PAX9: variants seen among roughly 807,000 people sequenced by gnomAD.
PAX9 encodes the protein paired box protein Pax-9.
In PAX9, 6 loss-of-function variants were observed where a neutral mutation model predicts 29.1. The ratio of observed to expected loss-of-function variants is 0.21; its 90% CI spans 0.11 to 0.41. PAX9 has a LOEUF of 0.41. Among genes scored for constraint, PAX9 ranks in the 10% least tolerant of loss-of-function variants. PAX9 has a pLI of 1.00. For synonymous variants in PAX9, 217 were observed against 211.7 expected (o/e 1.03, Z -0.22); for missense variants, 443 against 479.1 (o/e 0.92, Z 0.70).
intron 2 of PAX9, among the ~76,000 whole-genome samples, chr14:36,665,167 GAAAAAAA>G (rs67344124): frequency 6.3e-4 from 55 of 87,794 alleles, no homozygotes; most frequent in African/African-American, 2.2e-3. Context: ...GAGACATAGT[GAAAAAAA>G]AAAAAAAAAA....
At chr14:36,665,062 T>G (rs1363451017) in intron 2 of PAX9, among the ~76,000 whole-genome samples, 1 of 151,474 alleles carries the variant, frequency 6.6e-6, no homozygotes, top group Non-Finnish European at 1.5e-5. Context: ...CTGCCTTTTG[T>G]CTGGGAAGGC....
intron 2 of PAX9, among the ~76,000 whole-genome samples, chr14:36,663,963 C>A (rs1256792042): frequency 6.6e-6 from 1 of 152,188 alleles, no homozygotes; most frequent in African/African-American, 2.4e-5. Flanking sequence ...TCACTACGGC[C>A]GGGAGAAGTC....
intron 3 of PAX9, among the ~76,000 whole-genome samples, chr14:36,670,546 T>C (rs1317291192): frequency 1.3e-5 from 2 of 152,048 alleles, no homozygotes; most frequent in Non-Finnish European, 2.9e-5. Context: ...TTGCACTAAA[T>C]TTGTCTTCAT....
At chr14:36,661,709 G>A, upstream of PAX9, 1 of 349,528 alleles carries the variant, frequency 2.9e-6, no homozygotes, top group East Asian at 5.5e-5. Flanking sequence ...ACCCAGGTGG[G>A]GAGCTAGCCT....
intron 1 of PAX9, chr14:36,662,442 C>T (rs1881311804): frequency 2.4e-6 from 1 of 415,674 alleles, no homozygotes; most frequent in South Asian, 6.9e-5. Context: ...AGAAAACAAA[C>T]AACAACAAAT....
Position 36,677,621 on chromosome 14 carries a change from TA to T in PAX9, c.*1172del, listed in dbSNP as rs1881958383. The T allele has an allele frequency of 6.6e-6, 1 of 152,244 alleles. No individual in the cohort carries two copies. The highest frequency in any genetic ancestry group is 1.5e-5 in the Non-Finnish European group (1 of 68,048). 9.4% of individuals were successfully genotyped at this position (152,244 alleles called of 1,614,324 possible). On this transcript the variant is annotated 3_prime_UTR_variant, in exon 4 of 4. Transcript: ENST00000361487. ...CTCAGCCCCAAATAATGTTGTAATTTAAAGAAAATGGAAAATTCTGCTCTAA... is the reference window on the plus strand; with the variant it reads ...CTCAGCCCCAAATAATGTTGTAATTTAAGAAAATGGAAAATTCTGCTCTAA...
intron 2 of PAX9, 138 bp from the exon 3 acceptor site, chr14:36,666,324 C>A (rs1365227288): frequency 2.8e-5 from 32 of 1,124,534 alleles, no homozygotes; most frequent in Non-Finnish European, 3.9e-5. Flanking sequence ...CTGGGCCCAG[C>A]GCCCTCGGGA....
At chr14:36,672,511 CT>C (rs2139118891) in intron 3 of PAX9, among the ~76,000 whole-genome samples, 1 of 152,184 alleles carries the variant, frequency 6.6e-6, no homozygotes, top group Non-Finnish European at 1.5e-5. Flanking sequence ...AGATTTATAT[CT>C]TTTACTAATG....
At chr14:36,668,681 C>T (rs531697644) in intron 3 of PAX9, among the ~76,000 whole-genome samples, 6 of 152,134 alleles carry the variant, frequency 3.9e-5, no homozygotes, top group Admixed American at 6.5e-5. Context: ...GCCACCGTGC[C>T]GGCCAGTAAT....
chr14:36,661,866 G>T lies in PAX9; in HGVS notation c.-224G>T. 2 of 632,646 alleles carry T rather than the reference G, an allele frequency of 3.2e-6. No individual in the cohort carries two copies. The highest frequency in any genetic ancestry group is 5.6e-5 in the East Asian group (2 of 36,012). 39.2% of individuals were successfully genotyped at this position (632,646 alleles called of 1,614,324 possible). A position where few individuals can be genotyped will look rare whatever the true frequency, so the allele number is the denominator to read the frequency against. On this transcript the variant is annotated 5_prime_UTR_variant, in exon 1 of 4. Transcript: ENST00000361487. The stretch of plus-strand genomic sequence containing the variant: ...GAGCCGCCCTGCCCTGCTCAGCCCA[G>T]CCCACGTTGCTGCTTAGATTGAAAT...
At chr14:36,658,033 G>C (rs890584767), upstream of PAX9, 1 of 152,110 alleles carries the variant, frequency 6.6e-6, no homozygotes, top group African/African-American at 2.4e-5. Context: ...AGGGGCCAGC[G>C]GTCCAGGGCG....
In PAX9 at chr14:36,676,511, C is replaced by G. The variant is rs547367884; in HGVS notation, c.*59C>G. 2.2e-5 allele frequency: 35 copies of G among 1,594,074 alleles called. No individual in the cohort carries two copies. The highest frequency in any genetic ancestry group is 1.8e-4 in the Middle Eastern group (1 of 5,692). On this transcript the variant is annotated 3_prime_UTR_variant, in exon 4 of 4. Coordinates refer to ENST00000361487, the MANE Select transcript of PAX9 (RefSeq NM_001372076.1). ...TCTCCCTGTCTCAGCACCTCCTCCC[C>G]CAATTCCCAGGTCTCACATCCCACC...
chr14:36,660,635 T>C (rs1473286393), upstream of PAX9, among the ~76,000 whole-genome samples: 2 of 152,140 alleles, frequency 1.3e-5, no homozygotes. Flanking sequence ...CTGGGGACTG[T>C]TGGGGAAGCA....
At chr14:36,673,981 T>C (rs1184735309) in intron 3 of PAX9, among the ~76,000 whole-genome samples, 1 of 152,234 alleles carries the variant, frequency 6.6e-6, no homozygotes, top group Admixed American at 6.5e-5. Context: ...CATACAGATG[T>C]GAACACCTTT....
At chr14:36,674,387 A>C (rs1594474316) in intron 3 of PAX9, among the ~76,000 whole-genome samples, 1 of 152,216 alleles carries the variant, frequency 6.6e-6, no homozygotes, top group African/African-American at 2.4e-5. Context: ...AGGGGTGATA[A>C]ATTTTTTTAA....
At chr14:36,661,708 G>T, upstream of PAX9, 1 of 347,778 alleles carries the variant, frequency 2.9e-6, no homozygotes, top group South Asian at 5.3e-5. Flanking sequence ...CACCCAGGTG[G>T]GGAGCTAGCC....
At position 36,676,303 on chromosome 14, in the gene PAX9, CCTT is replaced by C. The variant is rs1217628760; in HGVS notation, c.880_882del (p.Ser294del). 6.2e-7 allele frequency: 1 copy of C among 1,614,198 alleles called. No homozygotes were observed. The highest frequency in any genetic ancestry group is 8.5e-7 in the Non-Finnish European group (1 of 1,180,042). ...GCCTTACATGACCTACAGTGCTGCT[CCTT>C]CTGGTTATGTTGCTGGACATGGGTG... is the stretch of plus-strand genomic sequence containing the variant. On this transcript the variant is annotated inframe_deletion, in exon 4 of 4. Transcript: ENST00000361487.
chr14:36,678,448 T>C lies in PAX9; in HGVS notation c.*1996T>C. 2.0e-6 allele frequency: 3 copies of C among 1,494,774 alleles called. No homozygotes were observed. The highest frequency in any genetic ancestry group is 2.7e-6 in the Non-Finnish European group (3 of 1,108,158). 92.6% of individuals were successfully genotyped at this position (1,494,774 alleles called of 1,614,324 possible). A position where few individuals can be genotyped will look rare whatever the true frequency, so the allele number is the denominator to read the frequency against. On this transcript the variant is annotated 3_prime_UTR_variant, in exon 4 of 4. Transcript: ENST00000361487. Reference sequence around the variant, plus strand: ...TCTCAGGGCCATAGTCTTCCTTTGATCTTGTAAAACTTCCATTGACATCTG... The same window carrying C: ...TCTCAGGGCCATAGTCTTCCTTTGACCTTGTAAAACTTCCATTGACATCTG...
rs1242268075 is a variant in PAX9, at chr14:36,661,916, G to C, written c.-174G>C. The C allele has an allele frequency of 1.3e-6, 1 of 760,322 alleles. No homozygotes were observed. The highest frequency in any genetic ancestry group is 2.3e-6 in the Non-Finnish European group (1 of 439,496). 47.1% of individuals were successfully genotyped at this position (760,322 alleles called of 1,614,324 possible). On this transcript the variant is annotated 5_prime_UTR_variant, in exon 1 of 4. Transcript: ENST00000361487. ...TGCAGAACTCAAGCCTCTTTCATCG[G>C]GGCACAGACTTCCTTTTACTTCTTC...
Sources: gnomAD v4.1 joint callset for allele counts (sites outside exome capture counted in the v4.1 genomes callset) on GRCh38, gnomAD v4.1.1 for gene constraint, MANE v1.5 for transcripts, NCBI Gene and HGNC (gene_info 2026-07-23, HGNC 2026-07-21) for gene names.